The following SYNE2 variants were observed in gnomAD, a reference collection of about 807,000 sequenced individuals.
SYNE2 encodes the protein nesprin-2.
A neutral mutation model predicts 856.3 loss-of-function variants in SYNE2; 431 were observed. The ratio of observed to expected loss-of-function variants is 0.50; its 90% CI spans 0.47 to 0.55. SYNE2 has a LOEUF of 0.55. Among genes scored for constraint, SYNE2 ranks in the 20% least tolerant of loss-of-function variants. SYNE2 has a pLI of 0.00. For missense variants in SYNE2, 8,129 were observed against 8,023.2 expected, an observed-to-expected ratio of 1.01 and a Z score of -0.50; for synonymous variants, 2,923 against 2,872.3, an observed-to-expected ratio of 1.02 and a Z score of -0.56.
Position 64,190,076 on chromosome 14 carries a change from C to T in SYNE2, c.17877C>T (p.Cys5959=), listed in dbSNP as rs764653982. 180 of 1,613,280 alleles carry T rather than the reference C, an allele frequency of 1.1e-4. 1 individual carries two copies. The South Asian group carries it at 1.9e-3, about 17-fold the overall frequency. The change falls in exon 99 of 116, where the codon TGC becomes TGT. Residue 5959 remains cysteine (C), a synonymous_variant. Transcript: ENST00000555002. ...EEMIEKLQKD[C]MEEINLFSEN... is the part of the protein sequence containing the mutation. ...TGTTTTGGTGCCTTTGCCAGGACTG[C>T]ATGGAAGAAATAAACTTGTTTAGTG... is the stretch of plus-strand genomic sequence containing the variant.
chr14:64,202,050 T>C, intron 99 of SYNE2: 1 of 625,070 alleles, frequency 1.6e-6, no homozygotes, highest in South Asian at 1.8e-5. Flanking sequence ...CACGCCAAGT[T>C]GTACTCATGC....
chr14:63,946,513 G>A (rs562019707), intron 6 of SYNE2, among the ~76,000 whole-genome samples: 9 of 145,936 alleles, frequency 6.2e-5, no homozygotes, highest in African/African-American at 1.0e-4. Flanking sequence ...TCATATATAT[G>A]TATATATATG....
chr14:63,901,774 A>G (rs1338506127), intron 1 of SYNE2, among the ~76,000 whole-genome samples: 1 of 152,168 alleles, frequency 6.6e-6, no homozygotes. Context: ...AAATTTAAAA[A>G]TTAGCCAAGC....
chr14:63,807,341 CAAAAA>C (rs574264237), intron 1 of SYNE2, among the ~76,000 whole-genome samples: 3 of 86,664 alleles, frequency 3.5e-5, no homozygotes, highest in Non-Finnish European at 4.9e-5. Context: ...GACCCTGTCT[CAAAAA>C]AAAAAAAAAA....
chr14:64,013,341 T>C (rs926163881), intron 32 of SYNE2, among the ~76,000 whole-genome samples: 1 of 105,558 alleles, frequency 9.5e-6, no homozygotes, highest in Non-Finnish European at 2.1e-5. Context: ...TTTTTTTTTG[T>C]ATATTTAGGG....
At chr14:64,160,338 C>A (rs1213749781) in intron 87 of SYNE2, among the ~76,000 whole-genome samples, 1 of 152,134 alleles carries the variant, frequency 6.6e-6, no homozygotes, top group Non-Finnish European at 1.5e-5. Flanking sequence ...TGTTGGAAGG[C>A]ATGTTGAAAA....
intron 62 of SYNE2, chr14:64,098,498 A>G (rs528969324): frequency 1.2e-5 from 7 of 594,298 alleles, no homozygotes; most frequent in Admixed American, 2.9e-5. Flanking sequence ...ATTCACATCA[A>G]TGAATCACAT....
chr14:64,092,491 G>C lies in SYNE2; in HGVS notation c.11977-858G>C, dbSNP rs546989643. Among the ~76,000 whole-genome samples the C allele has an allele frequency of 2.0e-5, 3 of 152,232 alleles. No homozygotes were observed. The South Asian group carries it at 6.2e-4, about 32-fold the overall frequency. The stretch of plus-strand genomic sequence containing the variant: ...GGATGTAGTTCATTATTGAGGGCTG[G>C]GGAACAGATGTGCACAGTGAACATA... On this transcript the variant is annotated intron_variant, in intron 60 of 115. Transcript: ENST00000555002.
At chr14:64,067,539 G>A (rs1038626093) in intron 51 of SYNE2, among the ~76,000 whole-genome samples, 3 of 152,174 alleles carry the variant, frequency 2.0e-5, no homozygotes, top group African/African-American at 7.2e-5. Flanking sequence ...GTAAGCTTCT[G>A]TTAGCATGAT....
intron 37 of SYNE2, among the ~76,000 whole-genome samples, chr14:64,022,461 G>A (rs562812613): frequency 1.2e-4 from 18 of 152,212 alleles, no homozygotes; most frequent in Non-Finnish European, 2.1e-4. Context: ...GGCCGGGCGC[G>A]GTAGCTCACG....
At chr14:64,024,792 C>A in intron 39 of SYNE2, 120 bp from the exon 40 acceptor site, 1 of 1,073,002 alleles carries the variant, frequency 9.3e-7, no homozygotes, top group Non-Finnish European at 1.4e-6. Flanking sequence ...TAAATTCTCT[C>A]TAAATTATAA....
At chr14:64,063,143 A>G (rs1190062562) in intron 50 of SYNE2, among the ~76,000 whole-genome samples, 2 of 152,130 alleles carry the variant, frequency 1.3e-5, no homozygotes, top group Non-Finnish European at 1.5e-5. Flanking sequence ...TCCCGGCTTC[A>G]AGTGATTTGA....
In SYNE2 at chr14:63,855,851, A is replaced by G. The variant is rs995027031; in HGVS notation, c.-52+2708A>G. 2.6e-5 allele frequency among the ~76,000 whole-genome samples: 4 copies of G among 152,162 alleles called. No individual in the cohort carries two copies. In the East Asian group the frequency reaches 5.8e-4, roughly 22 times the overall value. ...GGTAACTGGCGTATAGCAGGTCCTCAATAACTTGAATGAGTGTTGAGTGGA... is the reference window on the plus strand; with the variant it reads ...GGTAACTGGCGTATAGCAGGTCCTCGATAACTTGAATGAGTGTTGAGTGGA... On this transcript the variant is annotated intron_variant, in intron 1 of 115. Coordinates refer to ENST00000555002, the MANE Select transcript of SYNE2 (RefSeq NM_182914.3).
intron 11 of SYNE2, among the ~76,000 whole-genome samples, chr14:63,974,878 G>GTA (rs1566949539): frequency 3.4e-5 from 1 of 29,348 alleles, no homozygotes; most frequent in African/African-American, 1.1e-4. Flanking sequence ...GTGTGTGTGT[G>GTA]TGTGTGTGTG....
rs879099788 is a variant in SYNE2 at position 64,225,394 on chromosome 14, C to G, written c.20592C>G (p.Leu6864=). The change falls in exon 116 of 116, where the codon CTC becomes CTG. Residue 6864 remains leucine, a synonymous_variant. Coordinates refer to ENST00000555002, the MANE Select transcript of SYNE2 (RefSeq NM_182914.3). ...GGGCAGCCCTACCCCTGCAGCTGCT[C>G]CTCCTGCTGCTGCTGCTCCTGGCCT... The part of the protein sequence containing the change: ...VVRAALPLQL[L]LLLLLLLACL... 1.6e-5 allele frequency: 26 copies of G among 1,613,982 alleles called. No homozygotes were observed. The highest frequency in any genetic ancestry group is 1.2e-4 in the South Asian group (11 of 91,082).
intron 82 of SYNE2, 96 bp downstream of exon 82, chr14:64,142,184 A>G (rs1293922390): frequency 9.0e-6 from 13 of 1,439,204 alleles, no homozygotes; most frequent in Non-Finnish European, 1.3e-5. Context: ...ATATAATTTC[A>G]AAAAACTAAT....
Position 64,162,070 on chromosome 14 carries a change from A to G in SYNE2, c.16095-2A>G. 3.1e-6 allele frequency: 5 copies of G among 1,614,178 alleles called. No homozygotes were observed. Among genetic ancestry groups the G allele is most frequent in the Non-Finnish European group, 4.2e-6 (5 of 1,180,024 alleles). On this transcript the variant is annotated splice_acceptor_variant, in intron 87 of 115. Coordinates refer to ENST00000555002, the MANE Select transcript of SYNE2 (RefSeq NM_182914.3). LOFTEE classifies it high-confidence loss of function. ...GTTATGTTATTTGCGTTGCACTGAC[A>G]GGTGGACTCAGGTGAACCAAGCCAT...
chr14:63,974,886 G>GTATA (rs1315971121), intron 11 of SYNE2, among the ~76,000 whole-genome samples: 18 of 26,288 alleles, frequency 6.8e-4, no homozygotes, highest in African/African-American at 2.1e-3. Context: ...GTGTGTGTGT[G>GTATA]TGTGTGTATA....
chr14:64,068,947 A>G lies in SYNE2; in HGVS notation c.10432-1698A>G, dbSNP rs906702098. ...ACTTACCAACTTCACAGTGGACACC[A>G]GAGCTTGGGACTGAGGCTTGCAAAT... is the stretch of plus-strand genomic sequence containing the variant. On this transcript the variant is annotated intron_variant, in intron 51 of 115. Transcript: ENST00000555002. 3.3e-5 allele frequency among the ~76,000 whole-genome samples: 5 copies of G among 151,856 alleles called. No homozygotes were observed. In the South Asian group the frequency reaches 6.2e-4, roughly 19 times the overall value.
Sources: allele counts gnomAD v4.1 joint callset (sites outside exome capture counted in the v4.1 genomes callset), GRCh38; gene constraint gnomAD v4.1.1; transcripts MANE v1.5; gene names NCBI Gene and HGNC (gene_info 2026-07-23, HGNC 2026-07-21).